The following JMJD1C variants were observed in gnomAD, a reference collection of about 807,000 sequenced individuals.
The protein encoded by JMJD1C is jumonji domain-containing protein 1C.
Under a neutral mutation model 245.3 loss-of-function variants are expected in JMJD1C, and 31 were observed. The observed-to-expected ratio is 0.13, with a 90% confidence interval of 0.09 to 0.17. JMJD1C has a LOEUF of 0.17. Ranked by LOEUF, JMJD1C falls within the 10% of genes least tolerant of loss-of-function variation. The pLI is 1.00. For missense variants in JMJD1C, 2,691 were observed against 3,000.2 expected (o/e 0.90, Z 2.41); for synonymous variants, 1,057 against 1,017.4 (o/e 1.04, Z -0.74).
intron 1 of JMJD1C, among the ~76,000 whole-genome samples, chr10:63,404,211 G>A (rs1429648987): frequency 1.3e-5 from 2 of 152,094 alleles, no homozygotes; most frequent in African/African-American, 2.4e-5. Context: ...GTAATGAAAC[G>A]TTAAAAAGAG....
intron 2 of JMJD1C, among the ~76,000 whole-genome samples, chr10:63,374,061 C>T (rs1265958613): frequency 6.6e-6 from 1 of 152,080 alleles, no homozygotes; most frequent in Non-Finnish European, 1.5e-5. Context: ...GACAATATCC[C>T]ATTGCATAGA....
intron 3 of JMJD1C, among the ~76,000 whole-genome samples, chr10:63,228,326 T>C (rs778753828): frequency 6.6e-5 from 10 of 151,950 alleles, no homozygotes; most frequent in Non-Finnish European, 1.3e-4. Flanking sequence ...TTATGACATA[T>C]TCTTCTTTTT....
intron 2 of JMJD1C, among the ~76,000 whole-genome samples, chr10:63,370,996 G>A (rs532936276): frequency 6.6e-6 from 1 of 152,158 alleles, no homozygotes; most frequent in South Asian, 2.1e-4. Flanking sequence ...ATTTTCCGTT[G>A]AGACAGGGTC....
intron 1 of JMJD1C, among the ~76,000 whole-genome samples, chr10:63,495,114 C>A (rs1401965961): frequency 3.3e-5 from 5 of 150,712 alleles, no homozygotes; most frequent in Admixed American, 6.6e-5. Flanking sequence ...TTTTTAACTT[C>A]TTTCTTCATT....
At position 63,375,535 on chromosome 10, in the gene JMJD1C, C is replaced by CGTGTGTGT. The variant is rs1206144769; in HGVS notation, c.333+4775_333+4782dup. On this transcript the variant is annotated intron_variant, in intron 2 of 25. Coordinates refer to ENST00000399262, the MANE Select transcript of JMJD1C (RefSeq NM_032776.3). ...AAGACTAGAAGACTTAATATTTACA[C>CGTGTGTGT]GTGTGTGTGTGTGTGTGTGTGTGTG... is the stretch of plus-strand genomic sequence containing the variant. 4.6e-3 allele frequency among the ~76,000 whole-genome samples: 673 copies of CGTGTGTGT among 147,458 alleles called. 7 individuals are homozygous for CGTGTGTGT. The highest frequency in any genetic ancestry group is 0.029 in the South Asian group (134 of 4,574).
At chr10:63,412,301 GTTA>G (rs1481699735) in intron 1 of JMJD1C, among the ~76,000 whole-genome samples, 11 of 151,972 alleles carry the variant, frequency 7.2e-5, no homozygotes, top group South Asian at 2.1e-4. Flanking sequence ...AGCTAGAGAA[GTTA>G]TTATGAGCAA....
chr10:63,397,205 G>T (rs34730656), intron 1 of JMJD1C, among the ~76,000 whole-genome samples: 30,652 of 151,946 alleles, frequency 0.2, 4,053 homozygotes, highest in Non-Finnish European at 0.29. Flanking sequence ...TTATTGAACT[G>T]ATCTTTATTT....
chr10:63,401,584 T>C (rs1948859728), intron 1 of JMJD1C, among the ~76,000 whole-genome samples: 1 of 152,160 alleles, frequency 6.6e-6, no homozygotes, highest in Non-Finnish European at 1.5e-5. Flanking sequence ...TGTTTCAATG[T>C]ATTTAGGATT....
chr10:63,273,894 T>C (rs1856551819), intron 2 of JMJD1C, among the ~76,000 whole-genome samples: 2 of 152,192 alleles, frequency 1.3e-5, no homozygotes, highest in South Asian at 4.1e-4. Flanking sequence ...GTGAGAATCT[T>C]ATATGTACAA....
chr10:63,492,216 G>A (rs778904390), intron 1 of JMJD1C, among the ~76,000 whole-genome samples: 10 of 152,072 alleles, frequency 6.6e-5, no homozygotes, highest in Non-Finnish European at 1.2e-4. Context: ...TGTATTTTTT[G>A]TAGAGACAGT....
chr10:63,521,322 T>A (rs1276732145), intron 1 of JMJD1C: 1 of 132,138 alleles, frequency 7.6e-6, no homozygotes, highest in African/African-American at 2.8e-5. Flanking sequence ...CTGTCCGGAC[T>A]AGGCTGCCGG....
At chr10:63,300,314 A>G (rs547341150) in intron 2 of JMJD1C, among the ~76,000 whole-genome samples, 83 of 152,276 alleles carry the variant, frequency 5.5e-4, no homozygotes, top group South Asian at 8.3e-4. Context: ...CAAAAGCACA[A>G]TAAGATTAGA....
intron 3 of JMJD1C, among the ~76,000 whole-genome samples, chr10:63,228,171 ACAACTACT>A (rs1849533405): frequency 6.6e-6 from 1 of 152,210 alleles, no homozygotes; most frequent in South Asian, 2.1e-4. Context: ...ACCAGTTGTC[ACAACTACT>A]CAACCCTGCT....
At chr10:63,310,209 A>G (rs1030605783) in intron 2 of JMJD1C, among the ~76,000 whole-genome samples, 15 of 152,230 alleles carry the variant, frequency 9.9e-5, no homozygotes, top group African/African-American at 3.1e-4. Context: ...TGATTACAGT[A>G]AACAGACATT....
chr10:63,384,370 C>T (rs926981081), intron 1 of JMJD1C, among the ~76,000 whole-genome samples: 1 of 152,128 alleles, frequency 6.6e-6, no homozygotes, highest in Non-Finnish European at 1.5e-5. Context: ...GAATCACTAT[C>T]TCTGGCAGCT....
At chr10:63,196,988 GATGGGGGTTTTGCC>G (rs1325157086) in intron 13 of JMJD1C, among the ~76,000 whole-genome samples, 1 of 151,600 alleles carries the variant, frequency 6.6e-6, no homozygotes, top group African/African-American at 2.4e-5. Flanking sequence ...TTTTTGTAGA[GATGGGGGTTTTGCC>G]ATGTTGCCCA....
At chr10:63,421,373 G>C (rs1456887148) in intron 1 of JMJD1C, among the ~76,000 whole-genome samples, 1 of 152,130 alleles carries the variant, frequency 6.6e-6, no homozygotes, top group Non-Finnish European at 1.5e-5. Context: ...AAACTATATA[G>C]AGCAAAGCAA....
At chr10:63,352,446 T>A (rs963378900) in intron 2 of JMJD1C, among the ~76,000 whole-genome samples, 1 of 152,010 alleles carries the variant, frequency 6.6e-6, no homozygotes, top group Non-Finnish European at 1.5e-5. Flanking sequence ...AAAACCAGCA[T>A]GGCCAAAATG....
At chr10:63,421,449 A>G (rs183872158) in intron 1 of JMJD1C, among the ~76,000 whole-genome samples, 4 of 152,324 alleles carry the variant, frequency 2.6e-5, no homozygotes, top group Admixed American at 2.6e-4. Flanking sequence ...ATGATTGGGA[A>G]GTTGAACTGG....
Sources: allele counts gnomAD v4.1 joint callset (sites outside exome capture counted in the v4.1 genomes callset), GRCh38; gene constraint gnomAD v4.1.1; transcripts MANE v1.5; gene names NCBI Gene and HGNC (gene_info 2026-07-23, HGNC 2026-07-21).